The following PRKG1 variants were observed in gnomAD, a reference collection of about 807,000 sequenced individuals.
PRKG1 encodes cGMP-dependent protein kinase 1.
PRKG1 carries 35 observed loss-of-function variants against 88.1 expected under a neutral mutation model. The ratio of observed to expected loss-of-function variants is 0.40; its 90% CI spans 0.30 to 0.53. The LOEUF (loss-of-function observed/expected upper bound fraction) is 0.53. Among genes scored for constraint, PRKG1 ranks in the 20% least tolerant of loss-of-function variants. The pLI is 0.59. For synonymous variants in PRKG1, 303 were observed against 292.5 expected, an observed-to-expected ratio of 1.04 and a Z score of -0.37; for missense variants, 540 against 839.8, an observed-to-expected ratio of 0.64 and a Z score of 4.41.
chr10:51,422,170 T>A (rs1410666659), intron 2 of PRKG1, among the ~76,000 whole-genome samples: 2 of 152,158 alleles, frequency 1.3e-5, no homozygotes, highest in African/African-American at 4.8e-5. Flanking sequence ...TCTCCACACA[T>A]CTCTATTTGC....
chr10:51,876,413 G>A (rs556360197), intron 4 of PRKG1, among the ~76,000 whole-genome samples: 25 of 152,318 alleles, frequency 1.6e-4, no homozygotes, highest in Non-Finnish European at 2.9e-4. Context: ...AACCCTTGCT[G>A]TCATAGTCTG....
At chr10:52,138,208 T>G (rs1359767836) in intron 8 of PRKG1, among the ~76,000 whole-genome samples, 2 of 151,908 alleles carry the variant, frequency 1.3e-5, no homozygotes, top group African/African-American at 4.8e-5. Context: ...CCCCTACTCC[T>G]AGGACATTCT....
rs1039177533 is a variant in PRKG1 at position 51,988,030 on chromosome 10, T to A, written c.763-66454T>A. Reference sequence around the variant, plus strand: ...GAAATAAAATGTTATAGTTCAGTCCTGCTTCAAATCTCTCTTTTGCCTTAT... The same window carrying A: ...GAAATAAAATGTTATAGTTCAGTCCAGCTTCAAATCTCTCTTTTGCCTTAT... On this transcript the variant is annotated intron_variant, in intron 5 of 17. Transcript: ENST00000373980. Among the ~76,000 whole-genome samples, 12 of 152,070 alleles carry A rather than the reference T, an allele frequency of 7.9e-5. No homozygotes were observed. In the East Asian group the frequency reaches 2.3e-3, roughly 29 times the overall value.
intron 1 of PRKG1, among the ~76,000 whole-genome samples, chr10:50,996,049 A>C (rs1842833712): frequency 6.6e-6 from 1 of 152,226 alleles, no homozygotes; most frequent in South Asian, 2.1e-4. Flanking sequence ...GTCTTAGCTG[A>C]ATTCTGGGTC....
chr10:51,625,943 C>T (rs1188698228), intron 3 of PRKG1, among the ~76,000 whole-genome samples: 2 of 152,170 alleles, frequency 1.3e-5, no homozygotes, highest in Middle Eastern at 3.2e-3. Flanking sequence ...CTCTACCTTG[C>T]AATCCATTTT....
chr10:51,099,092 G>A (rs1375288427), intron 1 of PRKG1, among the ~76,000 whole-genome samples: 1 of 151,966 alleles, frequency 6.6e-6, no homozygotes, highest in African/African-American at 2.4e-5. Context: ...TCTTTTTCTG[G>A]GGAACACTCC....
intron 4 of PRKG1, among the ~76,000 whole-genome samples, chr10:51,851,671 G>A (rs1364720665): frequency 1.3e-5 from 2 of 152,004 alleles, no homozygotes; most frequent in Non-Finnish European, 2.9e-5. Flanking sequence ...CTTCATTCTC[G>A]CTATAAATTT....
chr10:51,979,426 T>TTTTTTTTTTTG (rs1337525531), intron 5 of PRKG1, among the ~76,000 whole-genome samples: 1 of 139,320 alleles, frequency 7.2e-6, no homozygotes, highest in Non-Finnish European at 1.6e-5. Flanking sequence ...TTTTTTTTTT[T>TTTTTTTTTTTG]TTTTTTTTCT....
intron 3 of PRKG1, among the ~76,000 whole-genome samples, chr10:51,653,083 A>T (rs957385224): frequency 3.3e-5 from 5 of 152,200 alleles, no homozygotes; most frequent in African/African-American, 1.2e-4. Context: ...CATAGTGTGT[A>T]TATATACATT....
At chr10:52,231,442 A>T (rs1840520726) in intron 9 of PRKG1, 1 of 152,090 alleles carries the variant, frequency 6.6e-6, no homozygotes, top group Non-Finnish European at 1.5e-5. Flanking sequence ...AGAGAGAAAG[A>T]GAGAGAGAGA....
chr10:51,617,031 G>T (rs1839076426), intron 3 of PRKG1, among the ~76,000 whole-genome samples: 1 of 152,148 alleles, frequency 6.6e-6, no homozygotes, highest in Non-Finnish European at 1.5e-5. Context: ...CAGGGAGTCT[G>T]TGGGACCCAG....
At chr10:52,194,704 C>G (rs1024006626) in intron 9 of PRKG1, among the ~76,000 whole-genome samples, 1 of 152,014 alleles carries the variant, frequency 6.6e-6, no homozygotes, top group African/African-American at 2.4e-5. Context: ...ATTTAGCTAT[C>G]AATGCTAAGA....
At chr10:51,159,662 C>T (rs796779930) in intron 2 of PRKG1, among the ~76,000 whole-genome samples, 8 of 152,034 alleles carry the variant, frequency 5.3e-5, no homozygotes, top group African/African-American at 1.7e-4. Context: ...TGTGGGGTAT[C>T]GTGTTCATTT....
At chr10:51,829,973 T>C (rs1371206061) in intron 4 of PRKG1, among the ~76,000 whole-genome samples, 1 of 152,146 alleles carries the variant, frequency 6.6e-6, no homozygotes, top group African/African-American at 2.4e-5. Flanking sequence ...AAACTCATGA[T>C]GTTGATGAAA....
At chr10:52,012,408 A>AT (rs1564428661) in intron 5 of PRKG1, among the ~76,000 whole-genome samples, 1 of 151,794 alleles carries the variant, frequency 6.6e-6, no homozygotes, top group East Asian at 1.9e-4. Flanking sequence ...CTCCTGGCTA[A>AT]TTTTTTTGTA....
chr10:51,939,605 T>C (rs541192232), intron 5 of PRKG1, among the ~76,000 whole-genome samples: 1 of 147,206 alleles, frequency 6.8e-6, no homozygotes, highest in Non-Finnish European at 1.5e-5. Context: ...TTTTTTTTTT[T>C]AATTTTGAGA....
chr10:52,015,651 A>T (rs997586791), intron 5 of PRKG1, among the ~76,000 whole-genome samples: 1 of 152,110 alleles, frequency 6.6e-6, no homozygotes, highest in Admixed American at 6.5e-5. Flanking sequence ...CAGGATGCAA[A>T]TTTTTCAAAC....
chr10:52,081,041 C>T (rs1354222046), intron 7 of PRKG1, among the ~76,000 whole-genome samples: 1 of 152,160 alleles, frequency 6.6e-6, no homozygotes, highest in Non-Finnish European at 1.5e-5. Flanking sequence ...TTCCTTCACC[C>T]CAATAGGTGT....
chr10:51,465,644 T>G (rs1156584272), intron 2 of PRKG1, among the ~76,000 whole-genome samples: 2 of 152,154 alleles, frequency 1.3e-5, no homozygotes, highest in Admixed American at 1.3e-4. Flanking sequence ...TGAGCTTCTA[T>G]TTTCTTCTTT....
Sources: allele counts gnomAD v4.1 joint callset (sites outside exome capture counted in the v4.1 genomes callset), GRCh38; gene constraint gnomAD v4.1.1; transcripts MANE v1.5; gene names NCBI Gene and HGNC (gene_info 2026-07-23, HGNC 2026-07-21).